Variants in PPARGC1A observed in about 807,000 individuals in gnomAD.
PPARGC1A encodes the protein peroxisome proliferator-activated receptor gamma coactivator 1-alpha.
PPARGC1A carries 25 observed loss-of-function variants against 88.7 expected under a neutral mutation model. The observed-to-expected ratio is 0.28, with a 90% CI of 0.21 to 0.39. PPARGC1A has a LOEUF of 0.39. Ranked by LOEUF, PPARGC1A falls within the 10% of genes least tolerant of loss-of-function variation. The pLI is 1.00. For missense variants in PPARGC1A, 880 were observed against 968.7 expected, an observed-to-expected ratio of 0.91 and a Z score of 1.22; for synonymous variants, 363 against 355.6, an observed-to-expected ratio of 1.02 and a Z score of -0.24.
At chr4:24,170,262 A>T in the PPARGC1A span, among the ~76,000 whole-genome samples, 3 of 152,150 alleles carry the variant, frequency 2.0e-5, no homozygotes, top group Non-Finnish European at 4.4e-5. Flanking sequence ...ACTTCAGCTC[A>T]AGTGTGTCTA....
At chr4:24,359,799 A>T in the PPARGC1A span, among the ~76,000 whole-genome samples, 4 of 152,202 alleles carry the variant, frequency 2.6e-5, no homozygotes, top group Admixed American at 6.5e-5. Flanking sequence ...AAGAGCAAAA[A>T]TGAATTCTTC....
At chr4:24,142,296 A>G in the PPARGC1A span, among the ~76,000 whole-genome samples, 2 of 152,206 alleles carry the variant, frequency 1.3e-5, no homozygotes, top group African/African-American at 4.8e-5. Flanking sequence ...AGCAAAATGT[A>G]TATTACATCA....
chr4:24,244,397 C>A, the PPARGC1A span, among the ~76,000 whole-genome samples: 1 of 152,134 alleles, frequency 6.6e-6, no homozygotes, highest in Admixed American at 6.5e-5. Flanking sequence ...CATATTAGTT[C>A]ACTGGTGTTC....
chr4:24,272,402 C>A, the PPARGC1A span, among the ~76,000 whole-genome samples: 1 of 152,192 alleles, frequency 6.6e-6, no homozygotes, highest in Non-Finnish European at 1.5e-5. Flanking sequence ...GCTTCAATCC[C>A]TAACAGGTGA....
At chr4:24,291,257 ACTCT>A in the PPARGC1A span, among the ~76,000 whole-genome samples, 1 of 150,324 alleles carries the variant, frequency 6.7e-6, no homozygotes, top group Admixed American at 6.7e-5. Flanking sequence ...CCCATTTAAC[ACTCT>A]CTCTCTCTCT....
the PPARGC1A span, among the ~76,000 whole-genome samples, chr4:24,373,972 A>G: frequency 2.0e-5 from 3 of 152,218 alleles, no homozygotes; most frequent in Non-Finnish European, 4.4e-5. Flanking sequence ...ACACACAGAA[A>G]TCAAAACAAA....
Position 23,797,012 on chromosome 4 carries a change from G to A in PPARGC1A, c.2294-1087C>T, listed in dbSNP as rs192771761. 1.8e-4 allele frequency among the ~76,000 whole-genome samples: 27 copies of A among 151,522 alleles called. No individual in the cohort carries two copies. The East Asian group carries it at 3.3e-3, about 19-fold the overall frequency. On this transcript the variant is annotated intron_variant, in intron 12 of 12. Coordinates refer to ENST00000264867, the MANE Select transcript of PPARGC1A (RefSeq NM_013261.5). ...ATTGCAAACCAAGCTCTCTAGCTCC[G>A]GCCTGACCATCCCATTTCCAAAGTT...
At chr4:23,900,012 CA>C (rs5856802), upstream of PPARGC1A, among the ~76,000 whole-genome samples, 102,721 of 147,898 alleles carry the variant, frequency 0.69, 35,768 homozygotes, top group African/African-American at 0.74. Flanking sequence ...GCTGCCTGTC[CA>C]AAAAAAAAAA....
At chr4:24,193,213 AC>A in the PPARGC1A span, among the ~76,000 whole-genome samples, 2 of 152,286 alleles carry the variant, frequency 1.3e-5, no homozygotes, top group Admixed American at 6.5e-5. Context: ...AGTTGCCTTT[AC>A]CTGAGCTGTC....
At chr4:24,196,648 T>G in the PPARGC1A span, among the ~76,000 whole-genome samples, 1 of 152,144 alleles carries the variant, frequency 6.6e-6, no homozygotes. Context: ...CAAGGCCAGG[T>G]GGAGGTTAAG....
the PPARGC1A span, among the ~76,000 whole-genome samples, chr4:24,114,901 C>T: frequency 6.6e-6 from 1 of 150,492 alleles, no homozygotes; most frequent in African/African-American, 2.5e-5. Context: ...GATGAGGCTA[C>T]ATTTGCTGTG....
the PPARGC1A span, among the ~76,000 whole-genome samples, chr4:23,943,230 C>T: frequency 6.6e-6 from 1 of 152,068 alleles, no homozygotes; most frequent in African/African-American, 2.4e-5. Flanking sequence ...TAAGGGTATG[C>T]CCACTACATG....
the PPARGC1A span, among the ~76,000 whole-genome samples, chr4:24,210,264 T>G: frequency 6.6e-6 from 1 of 152,186 alleles, no homozygotes; most frequent in East Asian, 1.9e-4. Context: ...CTACCAAAAA[T>G]ACAAAGGATT....
At chr4:24,288,693 C>G in the PPARGC1A span, among the ~76,000 whole-genome samples, 1 of 151,642 alleles carries the variant, frequency 6.6e-6, no homozygotes, top group Non-Finnish European at 1.5e-5. Context: ...ATATCACCAG[C>G]ATTTTTCTAC....
intron 7 of PPARGC1A, among the ~76,000 whole-genome samples, chr4:23,815,579 C>A (rs1322350696): frequency 2.6e-5 from 4 of 152,082 alleles, no homozygotes; most frequent in African/African-American, 9.7e-5. Flanking sequence ...CAGAACATTT[C>A]ATCAGAAACC....
the PPARGC1A span, among the ~76,000 whole-genome samples, chr4:24,314,960 C>T: frequency 2.6e-5 from 4 of 151,594 alleles, no homozygotes; most frequent in Non-Finnish European, 4.4e-5. Context: ...TATGGCATCC[C>T]TGTTTCTTCC....
chr4:24,386,077 G>A, the PPARGC1A span, among the ~76,000 whole-genome samples: 1 of 152,176 alleles, frequency 6.6e-6, no homozygotes, highest in Non-Finnish European at 1.5e-5. Context: ...GGGATGCAAG[G>A]CTGGTTCAAC....
At chr4:23,873,056 T>C (rs983510271) in intron 2 of PPARGC1A, among the ~76,000 whole-genome samples, 2 of 151,696 alleles carry the variant, frequency 1.3e-5, no homozygotes, top group African/African-American at 2.4e-5. Flanking sequence ...TAGCCAGTCA[T>C]GGTGGCAGGC....
the PPARGC1A span, among the ~76,000 whole-genome samples, chr4:24,310,792 A>G: frequency 3.5e-4 from 54 of 152,354 alleles, no homozygotes; most frequent in African/African-American, 1.2e-3. Context: ...CTGAGATACG[A>G]TGTGAATTAG....
Sources: gnomAD v4.1 joint callset for allele counts (sites outside exome capture counted in the v4.1 genomes callset) on GRCh38, gnomAD v4.1.1 for gene constraint, MANE v1.5 for transcripts, NCBI Gene and HGNC (gene_info 2026-07-23, HGNC 2026-07-21) for gene names.